Variants in EHBP1 observed in about 807,000 individuals in gnomAD.
The protein encoded by EHBP1 is EH domain-binding protein 1.
A neutral mutation model predicts 144.0 loss-of-function variants in EHBP1; 55 were observed. The observed-to-expected ratio is 0.38, with a 90% confidence interval of 0.31 to 0.48. EHBP1 has a LOEUF of 0.48. Among genes scored for constraint, EHBP1 ranks in the 20% least tolerant of loss-of-function variants. EHBP1 has a pLI of 0.98. For missense variants in EHBP1, 1,200 were observed against 1,364.2 expected (o/e 0.88, Z 1.90); for synonymous variants, 469 against 472.7 (o/e 0.99, Z 0.10).
chr2:62,839,669 A>C (rs1353373752), intron 7 of EHBP1, among the ~76,000 whole-genome samples: 1 of 151,792 alleles, frequency 6.6e-6, no homozygotes, highest in Admixed American at 6.6e-5. Flanking sequence ...TCAATGTACA[A>C]AAATCACAAG....
chr2:62,950,554 A>G (rs952562764), intron 13 of EHBP1, among the ~76,000 whole-genome samples: 2 of 152,224 alleles, frequency 1.3e-5, no homozygotes, highest in Non-Finnish European at 1.5e-5. Flanking sequence ...TTAAAAATAT[A>G]TCAGTTTTAA....
chr2:63,013,711 A>G (rs2060365742), intron 19 of EHBP1, among the ~76,000 whole-genome samples: 1 of 152,230 alleles, frequency 6.6e-6, no homozygotes, highest in African/African-American at 2.4e-5. Flanking sequence ...AAATAAAGAC[A>G]ACTAAATGAG....
In EHBP1 at chr2:62,792,373, T is replaced by G. The variant is rs186187742; in HGVS notation, c.312+20981T>G. On this transcript the variant is annotated intron_variant, in intron 5 of 22. Coordinates refer to ENST00000431489, the MANE Select transcript of EHBP1 (RefSeq NM_001142616.3). ...CTGCTTCTTGTGGAGCAGGGCTAAC[T>G]CCTAGGCAGTGAGCCCAGAGTCAGA... 2.5e-3 allele frequency among the ~76,000 whole-genome samples: 384 copies of G among 152,164 alleles called. 1 individual carries two copies. The highest frequency in any genetic ancestry group is 8.6e-3 in the African/African-American group (356 of 41,542).
chr2:62,725,598 C>G (rs1466060390), intron 2 of EHBP1, among the ~76,000 whole-genome samples: 10 of 152,132 alleles, frequency 6.6e-5, no homozygotes, highest in Non-Finnish European at 1.5e-4. Flanking sequence ...AGTGTTGGTA[C>G]AAAGGCAGGG....
intron 12 of EHBP1, among the ~76,000 whole-genome samples, chr2:62,944,307 A>G (rs1032626644): frequency 1.3e-4 from 20 of 152,212 alleles, no homozygotes; most frequent in African/African-American, 4.8e-4. Context: ...GTATACAGTT[A>G]TTGCGCTGCA....
chr2:62,739,885 A>G (rs1215854762), intron 2 of EHBP1, among the ~76,000 whole-genome samples: 2 of 150,132 alleles, frequency 1.3e-5, no homozygotes, highest in Admixed American at 6.7e-5. Flanking sequence ...GCAGTGGGCT[A>G]TGATCACTCC....
intron 7 of EHBP1, among the ~76,000 whole-genome samples, chr2:62,841,098 C>T (rs1045508201): frequency 6.6e-6 from 1 of 151,914 alleles, no homozygotes; most frequent in Non-Finnish European, 1.5e-5. Flanking sequence ...GCCAAATGTC[C>T]AACAATGATA....
chr2:62,750,084 C>G (rs2152197955), intron 3 of EHBP1, among the ~76,000 whole-genome samples: 1 of 152,262 alleles, frequency 6.6e-6, no homozygotes, highest in East Asian at 1.9e-4. Flanking sequence ...ATGGTATTGC[C>G]TGGGTTTTCT....
chr2:62,700,938 G>A (rs2034262886), upstream of EHBP1, among the ~76,000 whole-genome samples: 2 of 152,122 alleles, frequency 1.3e-5, no homozygotes, highest in Admixed American at 6.5e-5. Flanking sequence ...CTCTAATAAG[G>A]AGAAAAATAT....
At chr2:62,920,743 A>C (rs1240577106) in intron 10 of EHBP1, among the ~76,000 whole-genome samples, 1 of 151,824 alleles carries the variant, frequency 6.6e-6, no homozygotes. Context: ...GCTCACTGCA[A>C]CCTCTGCCTT....
At chr2:63,037,913 A>C (rs1345402003) in intron 20 of EHBP1, among the ~76,000 whole-genome samples, 1 of 152,150 alleles carries the variant, frequency 6.6e-6, no homozygotes, top group Non-Finnish European at 1.5e-5. Context: ...AAGGAAAGGA[A>C]GTTTGGTTTA....
intron 19 of EHBP1, among the ~76,000 whole-genome samples, chr2:63,035,925 GAGAGATTAAAAATACT>G (rs2061424978): frequency 6.6e-6 from 1 of 151,986 alleles, no homozygotes; most frequent in Admixed American, 6.6e-5. Context: ...TACCCTAAAA[GAGAGATTAAAAATACT>G]GTAAAACAAT....
intron 13 of EHBP1, among the ~76,000 whole-genome samples, chr2:62,954,250 G>A (rs538555126): frequency 2.6e-5 from 4 of 152,236 alleles, no homozygotes; most frequent in African/African-American, 9.6e-5. Context: ...TATTATTAGT[G>A]GGAGAGGGAT....
intron 5 of EHBP1, among the ~76,000 whole-genome samples, chr2:62,801,422 A>G (rs1173669086): frequency 6.6e-6 from 1 of 152,252 alleles, no homozygotes; most frequent in Non-Finnish European, 1.5e-5. Context: ...TATATTACAG[A>G]CATCATGACA....
chr2:62,886,183 A>G (rs2051913938), intron 10 of EHBP1, among the ~76,000 whole-genome samples: 1 of 152,164 alleles, frequency 6.6e-6, no homozygotes, highest in South Asian at 2.1e-4. Context: ...GTCTGTGTAA[A>G]ACTGTGCAGA....
intron 10 of EHBP1, among the ~76,000 whole-genome samples, chr2:62,883,713 CA>C (rs1357708101): frequency 6.6e-6 from 1 of 152,126 alleles, no homozygotes; most frequent in African/African-American, 2.4e-5. Context: ...CCTGTCATAC[CA>C]GCAGTTTGGG....
At chr2:62,821,951 C>A (rs1371005377) in intron 5 of EHBP1, among the ~76,000 whole-genome samples, 2 of 152,010 alleles carry the variant, frequency 1.3e-5, no homozygotes, top group Non-Finnish European at 2.9e-5. Flanking sequence ...GTGTCTTTCC[C>A]CTCAAGCATT....
chr2:62,716,779 G>A lies in EHBP1; in HGVS notation c.104+9484G>A, dbSNP rs1006064598. Reference sequence around the variant, plus strand: ...GGTCTGAGGTCCCTTTCCTCTTCCCGAGGCCCTTTGCTCCCCTGGCAACTG... The same window carrying A: ...GGTCTGAGGTCCCTTTCCTCTTCCCAAGGCCCTTTGCTCCCCTGGCAACTG... On this transcript the variant is annotated intron_variant, in intron 2 of 22. Transcript: ENST00000431489. 3.3e-5 allele frequency among the ~76,000 whole-genome samples: 5 copies of A among 152,148 alleles called. No homozygotes were observed. In the East Asian group the frequency reaches 5.8e-4, roughly 18 times the overall value.
At chr2:62,943,524 A>G (rs575737758) in intron 11 of EHBP1, among the ~76,000 whole-genome samples, 1 of 152,180 alleles carries the variant, frequency 6.6e-6, no homozygotes, top group Admixed American at 6.5e-5. Flanking sequence ...ATTACCTCAT[A>G]CTAAATTTGG....
Sources: allele counts gnomAD v4.1 joint callset (sites outside exome capture counted in the v4.1 genomes callset), GRCh38; gene constraint gnomAD v4.1.1; transcripts MANE v1.5; gene names NCBI Gene and HGNC (gene_info 2026-07-23, HGNC 2026-07-21).